The following VWDE variants were observed in gnomAD, a reference collection of about 807,000 sequenced individuals.
VWDE encodes the protein von Willebrand factor D and EGF domains.
A neutral mutation model predicts 178.4 loss-of-function variants in VWDE; 207 were observed. The observed-to-expected ratio is 1.16, with a 90% CI of 1.04 to 1.30. VWDE has a LOEUF of 1.30. VWDE is among the 50% of genes most tolerant of loss of function. The probability of loss-of-function intolerance (pLI) is 0.00; values close to 1 mark genes in which losing one functional copy is unlikely to be tolerated. For synonymous variants in VWDE, 738 were observed against 651.4 expected, an observed-to-expected ratio of 1.13 and a Z score of -2.02; for missense variants, 2,287 against 1,901.3, an observed-to-expected ratio of 1.20 and a Z score of -3.77.
chr7:12,402,482 T>C (rs997912125), intron 1 of VWDE, among the ~76,000 whole-genome samples: 1 of 152,206 alleles, frequency 6.6e-6, no homozygotes, highest in Admixed American at 6.5e-5. Flanking sequence ...GTAATATTTG[T>C]CTTCAGCAGA....
At chr7:12,335,568 G>A (rs1203898819) in intron 27 of VWDE, among the ~76,000 whole-genome samples, 3 of 151,942 alleles carry the variant, frequency 2.0e-5, no homozygotes, top group African/African-American at 7.3e-5. Flanking sequence ...CCATTCTCCT[G>A]CCTCAGACTC....
rs1781021035 is a variant in VWDE, at chr7:12,336,215, T to C, written c.4580A>G (p.Lys1527Arg). 6.4e-7 allele frequency: 1 copy of C among 1,551,300 alleles called. No individual in the cohort carries two copies. Among genetic ancestry groups the C allele is most frequent in the Admixed American group, 2.0e-5 (1 of 50,900 alleles). The change falls in exon 27 of 29, where the codon AAA (lysine) becomes AGA (arginine). Residue 1527 changes from lysine (K) to arginine (R), a missense_variant. Transcript: ENST00000275358. The part of the protein sequence containing the change: ...CNTPICLQKC[K>R]NGGECIAPSI... ...GGGCGCAATGCATTCACCACCGTTT[T>C]TACATTTCTGCAAGCAGATAGCTGC... is the stretch of plus-strand genomic sequence containing the variant.
rs1785016525 is a variant in VWDE, at chr7:12,403,604, T to C, written c.58+55A>G. The C allele has an allele frequency of 6.6e-6, 10 of 1,510,876 alleles. No individual in the cohort carries two copies. The East Asian group carries it at 7.4e-5, about 11-fold the overall frequency. The allele number at this position is 1,510,876 out of a possible 1,614,324, so 93.6% of individuals were successfully genotyped here. A position where few individuals can be genotyped will look rare whatever the true frequency, so the allele number is the denominator to read the frequency against. On this transcript the variant is annotated intron_variant, in intron 1 of 28. Transcript: ENST00000275358. ...TCCAAAAAGTCTAGCCTAGTCCCTC[T>C]ACCGCCCACGCGGCGCCACTGCGCG...
At chr7:12,364,753 C>G (rs1167534139) in intron 13 of VWDE, among the ~76,000 whole-genome samples, 7 of 151,952 alleles carry the variant, frequency 4.6e-5, no homozygotes, top group Admixed American at 4.6e-4. Context: ...TAGTTGGATG[C>G]TAAAATTAGG....
intron 18 of VWDE, 58 bp from the exon 19 acceptor site, chr7:12,351,771 C>T (rs1781960891): frequency 7.0e-7 from 1 of 1,424,092 alleles, no homozygotes; most frequent in Admixed American, 2.5e-5. Flanking sequence ...ACCAAAGCAC[C>T]ACAAATAAGA....
intron 15 of VWDE, among the ~76,000 whole-genome samples, chr7:12,359,912 T>C (rs1260938562): frequency 1.3e-5 from 2 of 152,146 alleles, no homozygotes; most frequent in Non-Finnish European, 2.9e-5. Flanking sequence ...TACACATAAG[T>C]TTTATCTTTA....
intron 24 of VWDE, among the ~76,000 whole-genome samples, chr7:12,337,625 T>A (rs73680919): frequency 0.016 from 2,393 of 152,306 alleles, 57 homozygotes; most frequent in African/African-American, 0.055. Context: ...AAAATAAGAA[T>A]GTGCCTGTTC....
At chr7:12,337,328 G>T in intron 24 of VWDE, 56 bp from the exon 25 acceptor site, 1 of 1,369,324 alleles carries the variant, frequency 7.3e-7, no homozygotes, top group Non-Finnish European at 1.0e-6. Context: ...TACTACATAT[G>T]ATACATTGCA....
chr7:12,383,621 G>A lies in VWDE; in HGVS notation c.476-20C>T. On this transcript the variant is annotated intron_variant, in intron 3 of 28. Transcript: ENST00000275358. ...AAATAGCTGCCAAGGGTTAAGGTTT[G>A]TATAATTATTCAGCTGGGCATGAAG... The A allele has an allele frequency of 6.5e-7, 1 of 1,547,242 alleles. No homozygotes were observed. Among genetic ancestry groups the A allele is most frequent in the Non-Finnish European group, 8.7e-7 (1 of 1,143,352 alleles).
chr7:12,393,890 T>C, intron 1 of VWDE, 112 bp from the exon 2 acceptor site: 2 of 895,114 alleles, frequency 2.2e-6, no homozygotes, highest in Admixed American at 3.1e-5. Flanking sequence ...AAACTCACTA[T>C]TGCACATAAA....
In VWDE at chr7:12,380,602, T is replaced by C. The variant is rs950123088; in HGVS notation, c.673A>G (p.Ile225Val). ...TGAGAAGAAAGCCTAGACCAAGCTA[T>C]GTGAAATCCCACTGAGTTTTTTGTA... ...PATKNSVGFH[I>V]AWSRLSSQEV... Residue 225 changes from isoleucine to valine, a missense_variant, in exon 5 of 29, where the codon ATA (isoleucine) becomes GTA (valine). Transcript: ENST00000275358. The C allele has an allele frequency of 1.5e-5, 23 of 1,552,196 alleles. No homozygotes were observed. Among genetic ancestry groups the C allele is most frequent in the Non-Finnish European group, 2.0e-5 (23 of 1,147,142 alleles).
At chr7:12,333,616 T>C in intron 27 of VWDE, 48 bp from the exon 28 acceptor site, 1 of 1,290,006 alleles carries the variant, frequency 7.8e-7, no homozygotes, top group Non-Finnish European at 1.1e-6. Flanking sequence ...CATGAAATGC[T>C]TGTGGCATAT....
chr7:12,382,861 T>G (rs1490404783), intron 4 of VWDE, among the ~76,000 whole-genome samples: 1 of 151,890 alleles, frequency 6.6e-6, no homozygotes, highest in East Asian at 1.9e-4. Flanking sequence ...CATATTATAG[T>G]AGGAGGATTT....
At chr7:12,387,436 A>G (rs1029786117) in intron 3 of VWDE, among the ~76,000 whole-genome samples, 1 of 152,108 alleles carries the variant, frequency 6.6e-6, no homozygotes, top group African/African-American at 2.4e-5. Flanking sequence ...TGAGAATGCT[A>G]GAAATTTAAA....
In VWDE at chr7:12,344,185, G is replaced by A. The variant is rs1781476339; in HGVS notation, c.4078+10C>T. 6.5e-7 allele frequency: 1 copy of A among 1,548,688 alleles called. No homozygotes were observed. The highest frequency in any genetic ancestry group is 2.4e-5 in the East Asian group (1 of 40,824). On this transcript the variant is annotated intron_variant, in intron 21 of 28. Transcript: ENST00000275358. ...AGGCCTTATATTTGATTTTTAATTT[G>A]AATTATCACCTTCATCACAGGTTGC...
intron 13 of VWDE, among the ~76,000 whole-genome samples, chr7:12,365,603 T>C (rs1357390134): frequency 6.6e-6 from 1 of 151,948 alleles, no homozygotes; most frequent in African/African-American, 2.4e-5. Flanking sequence ...GAGAAGACAT[T>C]AGCTTAGTGG....
chr7:12,357,560 G>T (rs1224437336), intron 16 of VWDE, 45 bp from the exon 17 acceptor site: 9 of 1,541,246 alleles, frequency 5.8e-6, no homozygotes, highest in Admixed American at 4.0e-5. Context: ...GTAGAAAAAG[G>T]AATGAAGTGT....
chr7:12,403,295 A>T (rs1161273294), intron 1 of VWDE, among the ~76,000 whole-genome samples: 1 of 150,212 alleles, frequency 6.7e-6, no homozygotes, highest in East Asian at 2.0e-4. Context: ...TGTTCTGAGA[A>T]TTCAGGTCCA....
chr7:12,402,350 A>G (rs1014079221), intron 1 of VWDE, among the ~76,000 whole-genome samples: 3 of 152,192 alleles, frequency 2.0e-5, no homozygotes, highest in Non-Finnish European at 4.4e-5. Flanking sequence ...TAATAAAGCT[A>G]TTTGAAAAAA....
Sources: gnomAD v4.1 joint callset for allele counts (sites outside exome capture counted in the v4.1 genomes callset) on GRCh38, gnomAD v4.1.1 for gene constraint, MANE v1.5 for transcripts, NCBI Gene and HGNC (gene_info 2026-07-23, HGNC 2026-07-21) for gene names.